ZNF385D: variants seen among roughly 807,000 people sequenced by gnomAD.
ZNF385D encodes the protein zinc finger protein 385D, also known as zinc finger protein 659.
In ZNF385D, 15 loss-of-function variants were observed where a neutral mutation model predicts 35.8. That is an observed-to-expected ratio of 0.42 (90% CI 0.28 to 0.64). The LOEUF is 0.64. Among genes scored for constraint, ZNF385D ranks in the 30% least tolerant of loss-of-function variants. The pLI, the probability that ZNF385D is intolerant of heterozygous loss-of-function variation, is 0.23. For missense variants in ZNF385D, 474 were observed against 494.6 expected (o/e 0.96, Z 0.39); for synonymous variants, 212 against 186.8 (o/e 1.13, Z -1.10).
chr3:21,960,057 A>G (rs1412389432), intron 3 of ZNF385D, among the ~76,000 whole-genome samples: 2 of 151,812 alleles, frequency 1.3e-5, no homozygotes, highest in East Asian at 3.9e-4. Flanking sequence ...GGACTATTTT[A>G]AGCCAAAAAT....
chr3:22,310,033 G>A (rs78417317), intron 2 of ZNF385D, among the ~76,000 whole-genome samples: 2,757 of 152,018 alleles, frequency 0.018, 82 homozygotes, highest in African/African-American at 0.061. Context: ...TTTACATTGG[G>A]ATGAGGATTG....
intron 2 of ZNF385D, among the ~76,000 whole-genome samples, chr3:22,316,450 G>C (rs1256564792): frequency 1.3e-5 from 2 of 152,108 alleles, no homozygotes; most frequent in African/African-American, 4.8e-5. Flanking sequence ...GCACTAATCT[G>C]ATTAGGCAAT....
At chr3:22,036,727 T>TTTA (rs1192401834) in intron 3 of ZNF385D, among the ~76,000 whole-genome samples, 8 of 149,120 alleles carry the variant, frequency 5.4e-5, no homozygotes, top group African/African-American at 1.7e-4. Flanking sequence ...TTTTTTTTTT[T>TTTA]ATACTCTAAG....
chr3:21,899,394 C>T (rs891388592), intron 3 of ZNF385D, among the ~76,000 whole-genome samples: 9 of 152,126 alleles, frequency 5.9e-5, no homozygotes, highest in African/African-American at 1.7e-4. Flanking sequence ...ATCAGTGGTT[C>T]TCAAATTTCA....
chr3:21,992,176 T>C (rs1363398271), intron 3 of ZNF385D, among the ~76,000 whole-genome samples: 1 of 152,126 alleles, frequency 6.6e-6, no homozygotes, highest in African/African-American at 2.4e-5. Context: ...AGCAATACCA[T>C]AAATATTGCC....
rs546186418 is a variant in ZNF385D, at chr3:21,646,590, T to G, written c.165+18296A>C. ...TTGACCACCTAACAAATAGTGAATTTTGGAAATATGTCAGACCTAGATAAA... is the reference window on the plus strand; with the variant it reads ...TTGACCACCTAACAAATAGTGAATTGTGGAAATATGTCAGACCTAGATAAA... On this transcript the variant is annotated intron_variant, in intron 2 of 7. Coordinates refer to ENST00000281523, the MANE Select transcript of ZNF385D (RefSeq NM_024697.3). The surrounding 1 kb of genome is among the most constrained non-coding windows in gnomAD (Gnocchi z 4.3). Among the ~76,000 whole-genome samples, 2 of 152,296 alleles carry G rather than the reference T, an allele frequency of 1.3e-5. No homozygotes were observed.
intron 4 of ZNF385D, among the ~76,000 whole-genome samples, chr3:21,438,542 A>G (rs4389495): frequency 0.33 from 50,456 of 151,856 alleles, 10,289 homozygotes; most frequent in African/African-American, 0.57. Context: ...AAATATGGGT[A>G]AGGTTTTTCA....
chr3:22,371,947 GA>G, intron 2 of ZNF385D, among the ~76,000 whole-genome samples: 1 of 152,120 alleles, frequency 6.6e-6, no homozygotes, highest in South Asian at 2.1e-4. Context: ...GAAGAAGAAG[GA>G]AATGAAAAGG....
At chr3:21,427,817 G>T (rs1701089862) in intron 5 of ZNF385D, among the ~76,000 whole-genome samples, 1 of 152,058 alleles carries the variant, frequency 6.6e-6, no homozygotes, top group African/African-American at 2.4e-5. Flanking sequence ...TCTCTCCATA[G>T]AAGCTAGAAA....
chr3:21,699,688 A>G (rs1327578367), intron 1 of ZNF385D, among the ~76,000 whole-genome samples: 5 of 152,004 alleles, frequency 3.3e-5, no homozygotes, highest in African/African-American at 1.2e-4. Flanking sequence ...TTGAAATAAT[A>G]CTTTTGATAT....
At chr3:21,801,867 A>G (rs947890618) in intron 3 of ZNF385D, among the ~76,000 whole-genome samples, 2 of 152,138 alleles carry the variant, frequency 1.3e-5, no homozygotes, top group Non-Finnish European at 2.9e-5. Context: ...GTGTAATACC[A>G]TCTGTTTTGT....
At position 21,425,639 on chromosome 3, in the gene ZNF385D, C is replaced by A; in HGVS notation, c.705G>T (p.Arg235=). Residue 235 remains arginine, a synonymous_variant, in exon 6 of 8, where the codon CGG becomes CGT. Transcript: ENST00000281523. ...AGGCTTTGATAGTGCCACTTCCATT[C>A]CGGGCTTCTAACATGGTTTTGTGCT... is the stretch of plus-strand genomic sequence containing the variant. The part of the protein sequence containing the change: ...GTKHKTMLEA[R]NGSGTIKAFP... The A allele has an allele frequency of 6.3e-7, 1 of 1,595,022 alleles. No homozygotes were observed. The highest frequency in any genetic ancestry group is 8.6e-7 in the Non-Finnish European group (1 of 1,169,284).
At chr3:22,036,047 G>A (rs1395439557) in intron 3 of ZNF385D, among the ~76,000 whole-genome samples, 3 of 152,110 alleles carry the variant, frequency 2.0e-5, no homozygotes, top group Admixed American at 1.3e-4. Context: ...ATAAAAAGAA[G>A]ACAAGGGTAT....
intron 1 of ZNF385D, among the ~76,000 whole-genome samples, chr3:21,711,490 T>A (rs2068106992): frequency 6.6e-6 from 1 of 152,132 alleles, no homozygotes; most frequent in South Asian, 2.1e-4. Flanking sequence ...ACACATTTTT[T>A]AAAAACGACA....
intron 3 of ZNF385D, among the ~76,000 whole-genome samples, chr3:22,131,386 G>C (rs576142610): frequency 6.6e-6 from 1 of 152,034 alleles, no homozygotes; most frequent in African/African-American, 2.4e-5. Context: ...AAGTTTAGAA[G>C]AAAGAAAGAA....
At position 21,654,056 on chromosome 3, in the gene ZNF385D, A is replaced by G. The variant is rs116412987; in HGVS notation, c.165+10830T>C. 2.1e-3 allele frequency among the ~76,000 whole-genome samples: 316 copies of G among 152,094 alleles called. 2 individuals carry two copies. The highest frequency in any genetic ancestry group is 7.2e-3 in the African/African-American group (300 of 41,556). On this transcript the variant is annotated intron_variant, in intron 2 of 7. Coordinates refer to ENST00000281523, the MANE Select transcript of ZNF385D (RefSeq NM_024697.3). Reference sequence around the variant, plus strand: ...AAAGAAACTGCTTTAAAATGCCCCAATCTATTGTACAACTGGACTGTCATT... The same window carrying G: ...AAAGAAACTGCTTTAAAATGCCCCAGTCTATTGTACAACTGGACTGTCATT...
At chr3:22,245,215 A>G (rs943494145) in intron 2 of ZNF385D, among the ~76,000 whole-genome samples, 4 of 152,160 alleles carry the variant, frequency 2.6e-5, no homozygotes, top group Non-Finnish European at 2.9e-5. Flanking sequence ...ATTGCCCAAT[A>G]TAAATTTTTC....
At chr3:22,315,109 T>C (rs1703813200) in intron 2 of ZNF385D, among the ~76,000 whole-genome samples, 1 of 151,970 alleles carries the variant, frequency 6.6e-6, no homozygotes, top group African/African-American at 2.4e-5. Flanking sequence ...ATAGAGAACG[T>C]AAAATCAGGG....
intron 3 of ZNF385D, among the ~76,000 whole-genome samples, chr3:21,918,975 G>A (rs1352135): frequency 0.88 from 134,408 of 152,190 alleles, 59,424 homozygotes; most frequent in East Asian, 0.98. Flanking sequence ...TTCTACTTTT[G>A]TCAAACACAG....
Sources: gnomAD v4.1 joint callset for allele counts (sites outside exome capture counted in the v4.1 genomes callset) on GRCh38, gnomAD v4.1.1 for gene constraint, Gnocchi (gnomAD v3.1) non-coding constraint, MANE v1.5 for transcripts, NCBI Gene and HGNC (gene_info 2026-07-23, HGNC 2026-07-21) for gene names.